AP5S1: variants seen among roughly 807,000 people sequenced by gnomAD.
AP5S1 encodes the protein adaptor related protein complex 5 subunit sigma 1, also known as AP-5 complex subunit sigma-1.
A neutral mutation model predicts 13.9 loss-of-function variants in AP5S1; 13 were observed. The ratio of observed to expected loss-of-function variants is 0.94; its 90% CI spans 0.61 to 1.49. The LOEUF (loss-of-function observed/expected upper bound fraction) is 1.49, where lower values mean the gene tolerates loss of function less well. Among genes scored for constraint, AP5S1 ranks in the 40% most tolerant of loss-of-function variants. The pLI, the probability that AP5S1 is intolerant of heterozygous loss-of-function variation, is 0.00. For synonymous variants in AP5S1, 132 were observed against 121.8 expected, an observed-to-expected ratio of 1.08 and a Z score of -0.55; for missense variants, 292 against 272.3, an observed-to-expected ratio of 1.07 and a Z score of -0.51.
chr20:3,826,138 T>C lies in AP5S1; in HGVS notation c.*1841T>C, dbSNP rs2089623250. 6.6e-6 allele frequency: 1 copy of C among 152,168 alleles called. No homozygotes were observed. Among genetic ancestry groups the C allele is most frequent in the Non-Finnish European group, 1.5e-5 (1 of 68,026 alleles). The allele number at this position is 152,168 out of a possible 1,614,324, so 9.4% of individuals were successfully genotyped here. A position where few individuals can be genotyped will look rare whatever the true frequency, so the allele number is the denominator to read the frequency against. On this transcript the variant is annotated 3_prime_UTR_variant, in exon 3 of 3. Transcript: ENST00000615891. Reference sequence around the variant, plus strand: ...CAGGATGGACCCAACTACACCCACTTTGGAGGCAGCACTGATGATTAGCCC... The same window carrying C: ...CAGGATGGACCCAACTACACCCACTCTGGAGGCAGCACTGATGATTAGCCC...
intron 2 of AP5S1, among the ~76,000 whole-genome samples, chr20:3,822,949 C>T (rs6052096): frequency 0.16 from 24,482 of 152,100 alleles, 2,912 homozygotes; most frequent in African/African-American, 0.34. Flanking sequence ...CTGGAGCCTC[C>T]TGGACCTCCG....
In AP5S1 at chr20:3,826,186, A is replaced by G. The variant is rs1006091354; in HGVS notation, c.*1889A>G. On this transcript the variant is annotated 3_prime_UTR_variant, in exon 3 of 3. Transcript: ENST00000615891. ...CCCTTCCAAGTCCATGGCCAAGGCC[A>G]CCAGCCATGCCAGGCCTTCTACCAC... 6.6e-6 allele frequency: 1 copy of G among 152,228 alleles called. No homozygotes were observed. Among genetic ancestry groups the G allele is most frequent in the East Asian group, 1.9e-4 (1 of 5,194 alleles). 9.4% of individuals were successfully genotyped at this position (152,228 alleles called of 1,614,324 possible).
intron 1 of AP5S1, chr20:3,821,794 C>T: frequency 1.9e-6 from 1 of 535,736 alleles, no homozygotes; most frequent in Non-Finnish European, 2.4e-6. Flanking sequence ...GACCTTGACG[C>T]TTTTGAAGAT....
At chr20:3,821,876 TTC>T in intron 1 of AP5S1, 21 of 959,808 alleles carry the variant, frequency 2.2e-5, no homozygotes, top group Non-Finnish European at 2.6e-5. Flanking sequence ...TTTTTCTTTT[TTC>T]TTTTTTTTTT....
rs997221025 is a variant in AP5S1, at chr20:3,824,300, C to G, written c.*3C>G. The G allele has an allele frequency of 3.7e-6, 6 of 1,607,836 alleles. No individual in the cohort carries two copies. The Admixed American group carries it at 8.4e-5, about 22-fold the overall frequency. ...TCAGTGCCGCTTGGCCCCGCTGATT[C>G]CTCGTTGGGATGGTGCTTCTGAGGG... On this transcript the variant is annotated 3_prime_UTR_variant, in exon 3 of 3. Transcript: ENST00000615891.
chr20:3,822,241 G>T lies in AP5S1; in HGVS notation c.124G>T (p.Gly42Cys). ...EKSPDDPRPH[G>C]AERDRLLRKE... ...GTCACCTGATGACCCACGGCCGCATGGTGCCGAGAGGGACAGGCTTCTCCG... is the reference window on the plus strand; with the variant it reads ...GTCACCTGATGACCCACGGCCGCATTGTGCCGAGAGGGACAGGCTTCTCCG... Residue 42 changes from glycine to cysteine, a missense_variant, in exon 2 of 3, where the codon GGT becomes TGT. Gly to Cys is a radical substitution (Grantham distance 159, BLOSUM62 -3). Coordinates refer to ENST00000615891, the MANE Select transcript of AP5S1 (RefSeq NM_018347.3). The T allele has an allele frequency of 6.2e-7, 1 of 1,614,170 alleles. No individual in the cohort carries two copies. The highest frequency in any genetic ancestry group is 8.5e-7 in the Non-Finnish European group (1 of 1,180,026).
rs1431960004 is a variant in AP5S1 at position 3,822,252 on chromosome 20, G to A, written c.135G>A (p.Arg45=). ...PDDPRPHGAE[R]DRLLRKEQIL... ...ACCCACGGCCGCATGGTGCCGAGAG[G>A]GACAGGCTTCTCCGGAAGGAACAGA... Residue 45 remains arginine (R), a synonymous_variant, in exon 2 of 3, where the codon AGG becomes AGA. Coordinates refer to ENST00000615891, the MANE Select transcript of AP5S1 (RefSeq NM_018347.3). 6.2e-7 allele frequency: 1 copy of A among 1,614,148 alleles called. No individual in the cohort carries two copies. Among genetic ancestry groups the A allele is most frequent in the Non-Finnish European group, 8.5e-7 (1 of 1,180,032 alleles).
chr20:3,827,752 CTTTTCT>C lies in AP5S1; in HGVS notation c.*3466_*3471del, dbSNP rs915248411. ...GCATCCCCCCAGGGCTCAATGTTTT[CTTTTCT>C]TTTTCTTTTTTTTTTTTTTTTGAGA... On this transcript the variant is annotated 3_prime_UTR_variant, in exon 3 of 3. Coordinates refer to ENST00000615891, the MANE Select transcript of AP5S1 (RefSeq NM_018347.3). 1 of 149,970 alleles carries C rather than the reference CTTTTCT, an allele frequency of 6.7e-6. No individual in the cohort carries two copies. The highest frequency in any genetic ancestry group is 2.5e-5 in the African/African-American group (1 of 40,686). 9.3% of individuals were successfully genotyped at this position (149,970 alleles called of 1,614,324 possible).
Position 3,827,597 on chromosome 20 carries a change from T to A in AP5S1, c.*3300T>A, listed in dbSNP as rs1317505392. ...ACAGGTTTTAAGGCAGGAACTGGCC[T>A]GCATGTATGTGGGTCACTGATTGGG... is the stretch of plus-strand genomic sequence containing the variant. On this transcript the variant is annotated 3_prime_UTR_variant, in exon 3 of 3. Transcript: ENST00000615891. The A allele has an allele frequency of 6.6e-6, 1 of 152,124 alleles. No homozygotes were observed. Among genetic ancestry groups the A allele is most frequent in the Non-Finnish European group, 1.5e-5 (1 of 68,050 alleles). The allele number at this position is 152,124 out of a possible 1,614,324, so 9.4% of individuals were successfully genotyped here. A position where few individuals can be genotyped will look rare whatever the true frequency, so the allele number is the denominator to read the frequency against.
rs1348341639 is a variant in AP5S1 at position 3,826,655 on chromosome 20, C to T, written c.*2358C>T. On this transcript the variant is annotated 3_prime_UTR_variant, in exon 3 of 3. Coordinates refer to ENST00000615891, the MANE Select transcript of AP5S1 (RefSeq NM_018347.3). The stretch of plus-strand genomic sequence containing the variant: ...TAGAGACTGAGACCACACCGTGGGG[C>T]TGCTGAGCTCCAGTTCCTGTCCAGC... The T allele has an allele frequency of 6.6e-6, 1 of 152,236 alleles. No individual in the cohort carries two copies. The highest frequency in any genetic ancestry group is 1.9e-4 in the East Asian group (1 of 5,204). The allele number at this position is 152,236 out of a possible 1,614,324, so 9.4% of individuals were successfully genotyped here.
At chr20:3,820,870 C>G (rs1040088960) in intron 1 of AP5S1, 112 bp downstream of exon 1, 1 of 152,240 alleles carries the variant, frequency 6.6e-6, no homozygotes, top group Non-Finnish European at 1.5e-5. Context: ...CAATTGGGTG[C>G]TGGGCTCCGG....
intron 2 of AP5S1, 46 bp from the exon 3 acceptor site, chr20:3,823,825 G>C: frequency 3.8e-6 from 6 of 1,566,068 alleles, no homozygotes; most frequent in South Asian, 1.2e-5. Context: ...GAGGATGACA[G>C]AGTTGGTGTG....
rs1296857058 is a variant in AP5S1, at chr20:3,828,684, G to A, written c.*4387G>A. 5 of 152,124 alleles carry A rather than the reference G, an allele frequency of 3.3e-5. No individual in the cohort carries two copies. Among genetic ancestry groups the A allele is most frequent in the African/African-American group, 9.6e-5 (4 of 41,560 alleles). The allele number at this position is 152,124 out of a possible 1,614,324, so 9.4% of individuals were successfully genotyped here. A position where few individuals can be genotyped will look rare whatever the true frequency, so the allele number is the denominator to read the frequency against. ...TAATGTACATTTAAGATTCCTTCAA[G>A]TCTTTTCATGGCTGAATCATGAGCT... On this transcript the variant is annotated 3_prime_UTR_variant, in exon 3 of 3. Transcript: ENST00000615891.
In AP5S1 at chr20:3,824,178, C is replaced by T. The variant is rs531687236; in HGVS notation, c.484C>T (p.Arg162Trp). ...GGCGCCCAGCACCAGCCTTCTGCTG[C>T]GGGCTGACCGCATTGAGGGCATCCT... ...LLAPSTSLLL[R>W]ADRIEGILTR... The change falls in exon 3 of 3, where the codon CGG (arginine) becomes TGG (tryptophan). Residue 162 changes from arginine (R) to tryptophan (W), a missense_variant. Coordinates refer to ENST00000615891, the MANE Select transcript of AP5S1 (RefSeq NM_018347.3). 136 of 1,614,122 alleles carry T rather than the reference C, an allele frequency of 8.4e-5. No homozygotes were observed. The highest frequency in any genetic ancestry group is 1.3e-4 in the Admixed American group (8 of 60,030).
Position 3,827,183 on chromosome 20 carries a change from A to T in AP5S1, c.*2886A>T, listed in dbSNP as rs964320817. ...GTGTTACCAGTGTACCTCCACAAAC[A>T]CTCCTGGGACAACAGATGATGACAG... On this transcript the variant is annotated 3_prime_UTR_variant, in exon 3 of 3. Coordinates refer to ENST00000615891, the MANE Select transcript of AP5S1 (RefSeq NM_018347.3). 6.6e-6 allele frequency: 1 copy of T among 151,924 alleles called. No homozygotes were observed. Among genetic ancestry groups the T allele is most frequent in the Non-Finnish European group, 1.5e-5 (1 of 68,000 alleles). The allele number at this position is 151,924 out of a possible 1,614,324, so 9.4% of individuals were successfully genotyped here. A position where few individuals can be genotyped will look rare whatever the true frequency, so the allele number is the denominator to read the frequency against.
chr20:3,824,076 G>T lies in AP5S1; in HGVS notation c.382G>T (p.Ala128Ser), dbSNP rs1453567917. Residue 128 changes from alanine to serine, a missense_variant, in exon 3 of 3, where the codon GCC (alanine) becomes TCC (serine). Ala to Ser is a moderately conservative substitution (Grantham distance 99). Transcript: ENST00000615891. ...GTTAGGCTTTGCCCTGGTGCTGGAT[G>T]CCCATGAGAACCTGCTACTGGCTGA... ...LSLGFALVLD[A>S]HENLLLAEGT... The T allele has an allele frequency of 6.2e-7, 1 of 1,613,970 alleles. No individual in the cohort carries two copies. The highest frequency in any genetic ancestry group is 8.5e-7 in the Non-Finnish European group (1 of 1,180,012).
At position 3,820,636 on chromosome 20, in the gene AP5S1, A is replaced by G. The variant is rs1441570502; in HGVS notation, c.-139A>G. ...AAGGCTGAGGCGACGCCTCGACGACAGCGGACCGGAGCTGCAGGGGCAACA... is the reference window on the plus strand; with the variant it reads ...AAGGCTGAGGCGACGCCTCGACGACGGCGGACCGGAGCTGCAGGGGCAACA... On this transcript the variant is annotated 5_prime_UTR_variant, in exon 1 of 3. Transcript: ENST00000615891. 1 of 152,290 alleles carries G rather than the reference A, an allele frequency of 6.6e-6. No homozygotes were observed. The highest frequency in any genetic ancestry group is 6.5e-5 in the Admixed American group (1 of 15,286). The allele number at this position is 152,290 out of a possible 1,614,324, so 9.4% of individuals were successfully genotyped here.
Position 3,828,461 on chromosome 20 carries a change from A to G in AP5S1, c.*4164A>G, listed in dbSNP as rs984274816. 7 of 152,316 alleles carry G rather than the reference A, an allele frequency of 4.6e-5. No homozygotes were observed. Among genetic ancestry groups the G allele is most frequent in the African/African-American group, 1.7e-4 (7 of 41,582 alleles). 9.4% of individuals were successfully genotyped at this position (152,316 alleles called of 1,614,324 possible). ...TTTGGATGTATTTTCAGTGACATGC[A>G]TCTACCATTATAGTATCATACAGAA... On this transcript the variant is annotated 3_prime_UTR_variant, in exon 3 of 3. Coordinates refer to ENST00000615891, the MANE Select transcript of AP5S1 (RefSeq NM_018347.3).
At position 3,827,167 on chromosome 20, in the gene AP5S1, G is replaced by A. The variant is rs376097381; in HGVS notation, c.*2870G>A. The A allele has an allele frequency of 1.3e-5, 2 of 152,252 alleles. No individual in the cohort carries two copies. The highest frequency in any genetic ancestry group is 2.9e-5 in the Non-Finnish European group (2 of 68,086). 9.4% of individuals were successfully genotyped at this position (152,252 alleles called of 1,614,324 possible). On this transcript the variant is annotated 3_prime_UTR_variant, in exon 3 of 3. Transcript: ENST00000615891. The stretch of plus-strand genomic sequence containing the variant: ...CTTTGAGCAGCTAGTAGTGTTACCA[G>A]TGTACCTCCACAAACACTCCTGGGA...
Sources: gnomAD v4.1 joint callset for allele counts (sites outside exome capture counted in the v4.1 genomes callset) on GRCh38, gnomAD v4.1.1 for gene constraint, MANE v1.5 for transcripts, NCBI Gene and HGNC (gene_info 2026-07-23, HGNC 2026-07-21) for gene names.